SPAG16: variants seen among roughly 807,000 people sequenced by gnomAD.
The protein encoded by SPAG16 is sperm-associated antigen 16 protein.
A neutral mutation model predicts 80.4 loss-of-function variants in SPAG16; 86 were observed. The ratio of observed to expected loss-of-function variants is 1.07; its 90% CI spans 0.90 to 1.28. The LOEUF is 1.28. Among genes scored for constraint, SPAG16 ranks in the 50% most tolerant of loss-of-function variants. SPAG16 has a pLI of 0.00. For missense variants in SPAG16, 870 were observed against 765.3 expected, an observed-to-expected ratio of 1.14 and a Z score of -1.61; for synonymous variants, 294 against 265.9, an observed-to-expected ratio of 1.11 and a Z score of -1.03.
intron 10 of SPAG16, among the ~76,000 whole-genome samples, chr2:213,532,534 TCA>T (rs1279500068): frequency 1.3e-5 from 2 of 151,492 alleles, no homozygotes; most frequent in Admixed American, 1.3e-4. Flanking sequence ...CCATCTCGGC[TCA>T]CCACAACCTC....
At chr2:213,842,530 G>A (rs1466446008) in intron 10 of SPAG16, among the ~76,000 whole-genome samples, 2 of 151,956 alleles carry the variant, frequency 1.3e-5, no homozygotes, top group Non-Finnish European at 2.9e-5. Context: ...TAAAAAAATA[G>A]GAAATGATTA....
At chr2:213,961,448 T>C (rs2044413413) in intron 12 of SPAG16, among the ~76,000 whole-genome samples, 2 of 152,172 alleles carry the variant, frequency 1.3e-5, no homozygotes, top group African/African-American at 4.8e-5. Context: ...ATAGAAGTGA[T>C]TAGATCGGCC....
At chr2:214,253,385 A>G (rs1214398205) in intron 15 of SPAG16, among the ~76,000 whole-genome samples, 3 of 152,146 alleles carry the variant, frequency 2.0e-5, no homozygotes, top group Non-Finnish European at 4.4e-5. Context: ...GCCCATGCCT[A>G]TGTCCTGAAT....
At chr2:214,022,991 C>T (rs2047953311) in intron 13 of SPAG16, among the ~76,000 whole-genome samples, 1 of 151,984 alleles carries the variant, frequency 6.6e-6, no homozygotes, top group Non-Finnish European at 1.5e-5. Context: ...ACATGAATCT[C>T]ATTAGACATT....
At chr2:214,112,832 A>G (rs891675179) in intron 14 of SPAG16, among the ~76,000 whole-genome samples, 1 of 152,040 alleles carries the variant, frequency 6.6e-6, no homozygotes, top group Non-Finnish European at 1.5e-5. Flanking sequence ...TTTAAGGTTA[A>G]TATTGCTATG....
At chr2:213,309,350 C>T (rs2063087057) in intron 3 of SPAG16, among the ~76,000 whole-genome samples, 1 of 152,070 alleles carries the variant, frequency 6.6e-6, no homozygotes, top group Non-Finnish European at 1.5e-5. Flanking sequence ...AGTTGATAGA[C>T]TGACTGACTT....
chr2:213,754,860 C>T (rs547906746), intron 10 of SPAG16, among the ~76,000 whole-genome samples: 7 of 152,230 alleles, frequency 4.6e-5, no homozygotes, highest in African/African-American at 1.2e-4. Flanking sequence ...GCTGACTTTC[C>T]GAAGGCAACT....
chr2:213,957,032 T>C lies in SPAG16; in HGVS notation c.1400+26887T>C, dbSNP rs533727643. On this transcript the variant is annotated intron_variant, in intron 12 of 15. Transcript: ENST00000331683. ...TCTTTTAAATCTATTGAGATTTAAT[T>C]TGTGGCCTAAAATATGGTCTATCCT... 3.9e-5 allele frequency among the ~76,000 whole-genome samples: 6 copies of C among 152,304 alleles called. 1 individual carries two copies. The South Asian group carries it at 1.2e-3, about 32-fold the overall frequency.
At chr2:214,393,126 A>G (rs1438937443) in intron 15 of SPAG16, among the ~76,000 whole-genome samples, 1 of 152,220 alleles carries the variant, frequency 6.6e-6, no homozygotes, top group Admixed American at 6.5e-5. Flanking sequence ...TTTCTCAACA[A>G]AAGTTAAAAT....
At chr2:214,148,489 G>A (rs2055775544) in intron 14 of SPAG16, among the ~76,000 whole-genome samples, 1 of 152,010 alleles carries the variant, frequency 6.6e-6, no homozygotes, top group South Asian at 2.1e-4. Flanking sequence ...TGTTACCAAA[G>A]CAAGCCCAAC....
chr2:213,805,537 A>G (rs2071714907), intron 10 of SPAG16, among the ~76,000 whole-genome samples: 1 of 152,194 alleles, frequency 6.6e-6, no homozygotes, highest in South Asian at 2.1e-4. Context: ...TAGAAGAGTT[A>G]TCTGAGGAGG....
At chr2:214,294,183 C>G (rs1371681405) in intron 15 of SPAG16, among the ~76,000 whole-genome samples, 3 of 152,226 alleles carry the variant, frequency 2.0e-5, no homozygotes, top group Non-Finnish European at 2.9e-5. Flanking sequence ...AATCTGTAGG[C>G]AGCTCCCTAT....
chr2:213,638,167 C>G (rs2062443210), intron 10 of SPAG16, among the ~76,000 whole-genome samples: 1 of 152,188 alleles, frequency 6.6e-6, no homozygotes, highest in African/African-American at 2.4e-5. Context: ...AATAGTCTAT[C>G]AATTGTGTTT....
At chr2:213,727,903 C>G (rs186892125) in intron 10 of SPAG16, among the ~76,000 whole-genome samples, 3 of 151,950 alleles carry the variant, frequency 2.0e-5, no homozygotes, top group African/African-American at 7.2e-5. Flanking sequence ...GGTTGGAGTG[C>G]AATGGCGTGA....
At chr2:213,616,116 G>A (rs1254875324) in intron 10 of SPAG16, among the ~76,000 whole-genome samples, 1 of 152,128 alleles carries the variant, frequency 6.6e-6, no homozygotes, top group African/African-American at 2.4e-5. Flanking sequence ...AGATCAACTT[G>A]GTTAACAAAT....
intron 15 of SPAG16, among the ~76,000 whole-genome samples, chr2:214,265,864 C>A (rs1414175388): frequency 6.6e-6 from 1 of 151,910 alleles, no homozygotes; most frequent in African/African-American, 2.4e-5. Flanking sequence ...ATCATCCTAG[C>A]TAAAGCAGTC....
chr2:213,819,939 G>A (rs866023904), intron 10 of SPAG16, among the ~76,000 whole-genome samples: 1,309 of 101,356 alleles, frequency 0.013, 24 homozygotes, highest in African/African-American at 0.035. Context: ...CTAATTTTTC[G>A]TGTTTTTTTT....
At chr2:213,845,496 C>T (rs2074577484) in intron 10 of SPAG16, among the ~76,000 whole-genome samples, 3 of 152,062 alleles carry the variant, frequency 2.0e-5, no homozygotes, top group Admixed American at 1.3e-4. Flanking sequence ...GCAAGCGGCC[C>T]TTGTTCTTAA....
rs1576529489 is a variant in SPAG16 at position 214,221,665 on chromosome 2, A to G, written c.1720+72399A>G. Reference sequence around the variant, plus strand: ...CCCCACCTGATCTCTCAAAAAAGAAAAAAAGTGACATTTTTACTTTCCAGA... The same window carrying G: ...CCCCACCTGATCTCTCAAAAAAGAAGAAAAGTGACATTTTTACTTTCCAGA... On this transcript the variant is annotated intron_variant, in intron 15 of 15. Transcript: ENST00000331683. 2.0e-5 allele frequency among the ~76,000 whole-genome samples: 3 copies of G among 152,300 alleles called. No individual in the cohort carries two copies. The South Asian group carries it at 6.2e-4, about 32-fold the overall frequency.
Sources: gnomAD v4.1 joint callset for allele counts (sites outside exome capture counted in the v4.1 genomes callset) on GRCh38, gnomAD v4.1.1 for gene constraint, MANE v1.5 for transcripts, NCBI Gene and HGNC (gene_info 2026-07-23, HGNC 2026-07-21) for gene names.